EMSY: variants seen among roughly 807,000 people sequenced by gnomAD.
EMSY encodes BRCA2-interacting transcriptional repressor EMSY.
In EMSY, 26 loss-of-function variants were observed where a neutral mutation model predicts 134.6. The ratio of observed to expected loss-of-function variants is 0.19; its 90% CI spans 0.14 to 0.27. EMSY has a LOEUF of 0.27. Ranked by LOEUF, EMSY falls within the 10% of genes least tolerant of loss-of-function variation. The pLI, the probability that EMSY is intolerant of heterozygous loss-of-function variation, is 1.00. For synonymous variants in EMSY, 579 were observed against 577.8 expected, an observed-to-expected ratio of 1.00 and a Z score of -0.03; for missense variants, 1,305 against 1,611.4, an observed-to-expected ratio of 0.81 and a Z score of 3.26.
intron 1 of EMSY, among the ~76,000 whole-genome samples, chr11:76,446,408 C>T (rs1947412041): frequency 6.9e-6 from 1 of 144,934 alleles, no homozygotes; most frequent in African/African-American, 2.6e-5. Flanking sequence ...GAAGCGAGCA[C>T]GAGGAGTTAT....
At chr11:76,519,808 G>T (rs1230018338) in intron 11 of EMSY, among the ~76,000 whole-genome samples, 1 of 152,084 alleles carries the variant, frequency 6.6e-6, no homozygotes, top group Non-Finnish European at 1.5e-5. Flanking sequence ...CAATATCATA[G>T]TTCATTATTA....
chr11:76,528,583 T>TA, intron 14 of EMSY, 117 bp downstream of exon 15: 1 of 616,224 alleles, frequency 1.6e-6, no homozygotes, highest in Non-Finnish European at 2.6e-6. Flanking sequence ...TCAATTCTTT[T>TA]CCTTTTTTTT....
intron 20 of EMSY, chr11:76,547,212 T>G: frequency 3.0e-6 from 1 of 332,170 alleles, no homozygotes; most frequent in Middle Eastern, 4.7e-4. Context: ...TATTGAAATG[T>G]GAGTAGACTA....
Position 76,455,045 on chromosome 11 carries a change from C to T in EMSY, c.245+1657C>T, listed in dbSNP as rs79733266. Among the ~76,000 whole-genome samples, 1,370 of 152,036 alleles carry T rather than the reference C, an allele frequency of 9.0e-3. 20 individuals are homozygous for T. Among genetic ancestry groups the T allele is most frequent in the African/African-American group, 0.032 (1,305 of 41,428 alleles). On this transcript the variant is annotated intron_variant, in intron 4 of 20. Coordinates refer to ENST00000334736, the Ensembl canonical transcript of EMSY. The stretch of plus-strand genomic sequence containing the variant: ...AGTCATTTTACTACTTGTTAGTTGT[C>T]CTGGAAAAGGTTTGGTGGAAGAATT...
exon 7 of EMSY, chr11:76,464,041 T>G: frequency 6.2e-7 from 1 of 1,614,202 alleles, no homozygotes; most frequent in Non-Finnish European, 8.5e-7. Flanking sequence ...TAACCTTCAC[T>G]AAACCATCAA....
intron 8 of EMSY, among the ~76,000 whole-genome samples, chr11:76,474,053 C>T (rs1485177800): frequency 6.6e-6 from 1 of 150,994 alleles, no homozygotes; most frequent in Non-Finnish European, 1.5e-5. Flanking sequence ...TTGTTTGAAC[C>T]CGGGAGGTGG....
intron 6 of EMSY, chr11:76,460,923 G>C (rs914816068): frequency 3.3e-5 from 5 of 152,180 alleles, no homozygotes; most frequent in African/African-American, 1.2e-4. Flanking sequence ...CCGGGAGGCA[G>C]AGGTTGCAGT....
At chr11:76,477,452 G>A (rs931200019) in intron 8 of EMSY, among the ~76,000 whole-genome samples, 2 of 151,642 alleles carry the variant, frequency 1.3e-5, no homozygotes, top group Non-Finnish European at 2.9e-5. Flanking sequence ...CTCCCTGATA[G>A]GTAATCTTTT....
rs368010974 is a variant in EMSY, at chr11:76,449,338, T to C, written c.70+2330T>C. Among the ~76,000 whole-genome samples, 9 of 152,212 alleles carry C rather than the reference T, an allele frequency of 5.9e-5. 1 individual carries two copies. Among genetic ancestry groups the C allele is most frequent in the Admixed American group, 3.9e-4 (6 of 15,288 alleles). ...GAAGAGGAGGAAGTGATGTGGATTC[T>C]ATAGCTGTGGTAACTGTGTTCAGAG... is the stretch of plus-strand genomic sequence containing the variant. On this transcript the variant is annotated intron_variant, in intron 2 of 20. Coordinates refer to ENST00000334736, the Ensembl canonical transcript of EMSY.
intron 14 of EMSY, among the ~76,000 whole-genome samples, chr11:76,532,157 A>G (rs1488136412): frequency 2.0e-5 from 3 of 152,126 alleles, no homozygotes; most frequent in African/African-American, 7.2e-5. Flanking sequence ...CTAGGCTACT[A>G]GCTTCTCAAG....
chr11:76,460,197 G>T, intron 6 of EMSY, 112 bp downstream of exon 7: 1 of 1,271,096 alleles, frequency 7.9e-7, no homozygotes, highest in East Asian at 2.3e-5. Context: ...CTGTTAGTAG[G>T]TTAGTTTTTG....
At chr11:76,502,807 G>T (rs1020090121) in intron 9 of EMSY, among the ~76,000 whole-genome samples, 1 of 152,092 alleles carries the variant, frequency 6.6e-6, no homozygotes, top group African/African-American at 2.4e-5. Flanking sequence ...AAATAGGAAA[G>T]CATACCATGC....
intron 8 of EMSY, among the ~76,000 whole-genome samples, chr11:76,493,098 C>G (rs548638725): frequency 4.7e-4 from 72 of 152,276 alleles, no homozygotes; most frequent in Non-Finnish European, 8.2e-4. Context: ...AGTGCCTGCT[C>G]CTGCTGCCTG....
At chr11:76,458,499 G>C in intron 5 of EMSY, 141 bp downstream of exon 6, 8 of 836,370 alleles carry the variant, frequency 9.6e-6, no homozygotes, top group Non-Finnish European at 1.3e-5. Context: ...CTCTAATTCT[G>C]AAATTAGACT....
At chr11:76,469,946 T>A (rs1253092539) in intron 7 of EMSY, among the ~76,000 whole-genome samples, 1 of 152,242 alleles carries the variant, frequency 6.6e-6, no homozygotes, top group Non-Finnish European at 1.5e-5. Flanking sequence ...AGGTGTTTGC[T>A]GATCTTATGT....
At chr11:76,527,525 C>T (rs1185244511) in intron 13 of EMSY, among the ~76,000 whole-genome samples, 3 of 151,902 alleles carry the variant, frequency 2.0e-5, no homozygotes, top group African/African-American at 7.3e-5. Flanking sequence ...GTTTTTATTC[C>T]ATGGACCCAA....
chr11:76,542,738 TG>T (rs1951487242), intron 18 of EMSY, among the ~76,000 whole-genome samples: 1 of 120,260 alleles, frequency 8.3e-6, no homozygotes. Flanking sequence ...GTTTGTAGTT[TG>T]TTTTTCGTTT....
At chr11:76,505,496 A>G (rs912831033) in intron 9 of EMSY, among the ~76,000 whole-genome samples, 1 of 151,506 alleles carries the variant, frequency 6.6e-6, no homozygotes, top group Non-Finnish European at 1.5e-5. Context: ...TAAATACCAT[A>G]TTCCAGATAG....
chr11:76,472,816 G>A (rs1237425296), exon 8 of EMSY: 1 of 1,614,146 alleles, frequency 6.2e-7, no homozygotes. Context: ...TACACCATCT[G>A]TGGTCATGTC....
Sources: allele counts gnomAD v4.1 joint callset (sites outside exome capture counted in the v4.1 genomes callset), GRCh38; gene constraint gnomAD v4.1.1; transcripts MANE v1.5; gene names NCBI Gene and HGNC (gene_info 2026-07-23, HGNC 2026-07-21).